Variants in PTPRD observed in about 807,000 individuals in gnomAD.
PTPRD encodes the protein protein tyrosine phosphatase receptor type D.
Under a neutral mutation model 214.5 loss-of-function variants are expected in PTPRD, and 34 were observed. The observed-to-expected ratio is 0.16, with a 90% CI of 0.12 to 0.21. The LOEUF is 0.21. PTPRD is among the 10% of genes least tolerant of loss of function. PTPRD has a pLI of 1.00. For missense variants in PTPRD, 2,545 were observed against 2,398.7 expected (o/e 1.06, Z -1.27); for synonymous variants, 1,128 against 845.7 (o/e 1.33, Z -5.79).
intron 10 of PTPRD, among the ~76,000 whole-genome samples, chr9:9,166,024 G>A (rs557365745): frequency 6.6e-6 from 1 of 151,214 alleles, no homozygotes; most frequent in East Asian, 1.9e-4. Context: ...AGGTACAATT[G>A]TCTGTCCCTA....
intron 9 of PTPRD, among the ~76,000 whole-genome samples, chr9:9,224,306 G>T (rs1378515095): frequency 6.6e-6 from 1 of 152,000 alleles, no homozygotes; most frequent in Non-Finnish European, 1.5e-5. Flanking sequence ...GATATTATGT[G>T]TATGGGGAGG....
chr9:10,141,004 G>A (rs1403042566), intron 3 of PTPRD, among the ~76,000 whole-genome samples: 1 of 151,944 alleles, frequency 6.6e-6, no homozygotes, highest in African/African-American at 2.4e-5. Flanking sequence ...AAAACCACAT[G>A]ATTATCTCAA....
chr9:9,584,509 A>G (rs752765375), intron 7 of PTPRD, among the ~76,000 whole-genome samples: 2 of 151,798 alleles, frequency 1.3e-5, no homozygotes, highest in Non-Finnish European at 2.9e-5. Flanking sequence ...ACTCCCTCCC[A>G]TTTTGTACCT....
In PTPRD at chr9:10,157,964, T is replaced by C. The variant is rs554145671; in HGVS notation, c.-544-124174A>G. Among the ~76,000 whole-genome samples the C allele has an allele frequency of 2.0e-5, 3 of 152,258 alleles. No individual in the cohort carries two copies. The East Asian group carries it at 5.8e-4, about 29-fold the overall frequency. On this transcript the variant is annotated intron_variant, in intron 3 of 45. Transcript: ENST00000381196. The stretch of plus-strand genomic sequence containing the variant: ...ACCGGTGATTGCATTGTGAAATTAT[T>C]GTAGTATGTTTTTCAACCCTATCAA...
At chr9:8,872,195 G>A (rs1439724017) in intron 11 of PTPRD, among the ~76,000 whole-genome samples, 2 of 152,178 alleles carry the variant, frequency 1.3e-5, no homozygotes, top group African/African-American at 4.8e-5. Context: ...CAAAGGGTGA[G>A]GAATGTGACA....
chr9:9,709,244 G>A (rs1207338688), intron 7 of PTPRD, among the ~76,000 whole-genome samples: 1 of 151,592 alleles, frequency 6.6e-6, no homozygotes, highest in Non-Finnish European at 1.5e-5. Context: ...TTTCTCTTTT[G>A]GATTGTGTAT....
At chr9:9,832,881 CT>C (rs1321505082) in intron 5 of PTPRD, among the ~76,000 whole-genome samples, 7 of 144,688 alleles carry the variant, frequency 4.8e-5, no homozygotes, top group Admixed American at 2.7e-4. Context: ...GAATGGGAAG[CT>C]TTTTTTCTAT....
At chr9:9,746,929 G>C (rs1251758320) in intron 6 of PTPRD, among the ~76,000 whole-genome samples, 2 of 150,270 alleles carry the variant, frequency 1.3e-5, no homozygotes, top group South Asian at 2.1e-4. Flanking sequence ...TGAATAAAAA[G>C]GAAACAGTAC....
At chr9:8,442,972 T>C (rs996753259) in intron 34 of PTPRD, among the ~76,000 whole-genome samples, 1 of 152,162 alleles carries the variant, frequency 6.6e-6, no homozygotes, top group Non-Finnish European at 1.5e-5. Flanking sequence ...AAGACCCCGT[T>C]TCTGCAACAA....
intron 2 of PTPRD, among the ~76,000 whole-genome samples, chr9:10,540,569 G>A (rs1453250622): frequency 6.6e-6 from 1 of 152,090 alleles, no homozygotes; most frequent in Non-Finnish European, 1.5e-5. Context: ...CATTTTGCTT[G>A]CTTCTTTTCA....
intron 3 of PTPRD, among the ~76,000 whole-genome samples, chr9:10,225,108 A>G (rs2099584479): frequency 6.6e-6 from 1 of 152,038 alleles, no homozygotes; most frequent in African/African-American, 2.4e-5. Flanking sequence ...TGGCTATAAC[A>G]TTAATCTATA....
At chr9:9,311,404 A>G (rs894576796) in intron 9 of PTPRD, among the ~76,000 whole-genome samples, 1 of 152,194 alleles carries the variant, frequency 6.6e-6, no homozygotes, top group Non-Finnish European at 1.5e-5. Flanking sequence ...GAAAACACTG[A>G]TAAATGTCAA....
intron 2 of PTPRD, among the ~76,000 whole-genome samples, chr9:10,433,928 C>T (rs984340411): frequency 6.6e-6 from 1 of 151,680 alleles, no homozygotes; most frequent in Non-Finnish European, 1.5e-5. Context: ...TTTGGAATAC[C>T]ATTGGTAATG....
At chr9:10,540,480 C>G (rs140845797) in intron 2 of PTPRD, among the ~76,000 whole-genome samples, 4 of 152,134 alleles carry the variant, frequency 2.6e-5, no homozygotes, top group African/African-American at 9.7e-5. Flanking sequence ...ACTAAATTAT[C>G]TTTTATTACT....
At position 8,816,556 on chromosome 9, in the gene PTPRD, T is replaced by C. The variant is rs10815960; in HGVS notation, c.-103-82610A>G. 8.9e-4 allele frequency among the ~76,000 whole-genome samples: 135 copies of C among 152,142 alleles called. 1 individual carries two copies. The highest frequency in any genetic ancestry group is 3.1e-3 in the African/African-American group (129 of 41,508). Reference sequence around the variant, plus strand: ...ATTCTTCCATGCAACCATGTTGCCATGGCAACCAAACCAATCAAGCTTCTT... The same window carrying C: ...ATTCTTCCATGCAACCATGTTGCCACGGCAACCAAACCAATCAAGCTTCTT... On this transcript the variant is annotated intron_variant, in intron 11 of 45. Coordinates refer to ENST00000381196, the MANE Select transcript of PTPRD (RefSeq NM_002839.4).
chr9:10,124,081 A>C (rs1203406377), intron 3 of PTPRD, among the ~76,000 whole-genome samples: 5 of 152,214 alleles, frequency 3.3e-5, no homozygotes, highest in Non-Finnish European at 7.3e-5. Context: ...CTGCATTTAG[A>C]GAACTGGCCA....
At chr9:9,351,338 T>A (rs893413934) in intron 9 of PTPRD, among the ~76,000 whole-genome samples, 1 of 152,038 alleles carries the variant, frequency 6.6e-6, no homozygotes, top group African/African-American at 2.4e-5. Flanking sequence ...TGGCCTGCAC[T>A]GGGAATGCAC....
intron 2 of PTPRD, among the ~76,000 whole-genome samples, chr9:10,482,115 T>C (rs185235759): frequency 6.6e-6 from 1 of 152,260 alleles, no homozygotes; most frequent in East Asian, 1.9e-4. Context: ...CTCACGCCTG[T>C]AATCCCAGCA....
At chr9:10,284,024 T>A (rs2095253727) in intron 3 of PTPRD, among the ~76,000 whole-genome samples, 1 of 152,100 alleles carries the variant, frequency 6.6e-6, no homozygotes, top group African/African-American at 2.4e-5. Context: ...ATTTCTTAAT[T>A]GAAAAAGAAA....
Sources: allele counts gnomAD v4.1 joint callset (sites outside exome capture counted in the v4.1 genomes callset), GRCh38; gene constraint gnomAD v4.1.1; transcripts MANE v1.5; gene names NCBI Gene and HGNC (gene_info 2026-07-23, HGNC 2026-07-21).